Variants in DNAJB6 observed in about 807,000 individuals in gnomAD.
DNAJB6 encodes DnaJ heat shock protein family (Hsp40) member B6.
Under a neutral mutation model 42.7 loss-of-function variants are expected in DNAJB6, and 16 were observed. That is an observed-to-expected ratio of 0.37 (90% CI 0.25 to 0.57). The LOEUF (loss-of-function observed/expected upper bound fraction) is 0.57, where lower values mean the gene tolerates loss of function less well. Among genes scored for constraint, DNAJB6 ranks in the 20% least tolerant of loss-of-function variants. The probability of loss-of-function intolerance (pLI) is 0.74; values close to 1 mark genes in which losing one functional copy is unlikely to be tolerated. For synonymous variants in DNAJB6, 170 were observed against 163.5 expected, an observed-to-expected ratio of 1.04 and a Z score of -0.30; for missense variants, 347 against 416.8, an observed-to-expected ratio of 0.83 and a Z score of 1.46.
intron 8 of DNAJB6, among the ~76,000 whole-genome samples, chr7:157,389,944 C>T (rs184378000): frequency 5.5e-4 from 84 of 152,314 alleles, no homozygotes; most frequent in African/African-American, 2.0e-3. Context: ...TCAGGGCAGA[C>T]CCCTGACTGC....
intron 8 of DNAJB6, among the ~76,000 whole-genome samples, chr7:157,394,550 T>C (rs1801495680): frequency 6.6e-6 from 1 of 152,056 alleles, no homozygotes. Flanking sequence ...GTTGAAAATA[T>C]GAATCCATCT....
chr7:157,337,616 G>A (rs948859411), intron 1 of DNAJB6: 1 of 152,224 alleles, frequency 6.6e-6, no homozygotes, highest in East Asian at 1.9e-4. Flanking sequence ...AAGTTCGGAG[G>A]GAGAAGAAGC....
intron 1 of DNAJB6, among the ~76,000 whole-genome samples, chr7:157,353,985 C>A (rs1046945129): frequency 6.6e-6 from 1 of 151,812 alleles, no homozygotes; most frequent in African/African-American, 2.4e-5. Flanking sequence ...TTTTGGATAG[C>A]TTTTTAAATT....
chr7:157,403,748 T>C (rs1188023175), intron 8 of DNAJB6, among the ~76,000 whole-genome samples: 1 of 152,246 alleles, frequency 6.6e-6, no homozygotes, highest in Non-Finnish European at 1.5e-5. Context: ...CATTGTCGTT[T>C]CACAATACCT....
intron 1 of DNAJB6, among the ~76,000 whole-genome samples, chr7:157,351,834 A>C (rs114554879): frequency 0.011 from 1,728 of 151,108 alleles, 33 homozygotes; most frequent in East Asian, 0.06. Flanking sequence ...AACAAAAAAA[A>C]CCACAAAAAA....
intron 8 of DNAJB6, among the ~76,000 whole-genome samples, chr7:157,400,829 A>G (rs898602427): frequency 6.6e-6 from 1 of 152,196 alleles, no homozygotes. Flanking sequence ...TGAATCCTGC[A>G]GAGGGGCCTG....
At position 157,410,083 on chromosome 7, in the gene DNAJB6, G is replaced by A. The variant is rs1225014464; in HGVS notation, c.898+82G>A. 2.7e-6 allele frequency: 4 copies of A among 1,460,518 alleles called. No individual in the cohort carries two copies. In the African/African-American group the frequency reaches 4.2e-5, roughly 15 times the overall value. 90.5% of individuals were successfully genotyped at this position (1,460,518 alleles called of 1,614,324 possible). A position where few individuals can be genotyped will look rare whatever the true frequency, so the allele number is the denominator to read the frequency against. ...AGAGGACAGCGAGGACACAAACCGC[G>A]CCTGGGCTGCTGTGTTCTGACCTGA... is the stretch of plus-strand genomic sequence containing the variant. On this transcript the variant is annotated intron_variant, in intron 9 of 9. Coordinates refer to ENST00000262177, the MANE Select transcript of DNAJB6 (RefSeq NM_058246.4).
At chr7:157,382,140 G>C in intron 5 of DNAJB6, 106 bp from the exon 6 acceptor site, 1 of 1,283,354 alleles carries the variant, frequency 7.8e-7, no homozygotes, top group African/African-American at 1.5e-5. Flanking sequence ...TAAGTTTTTT[G>C]TTCCTGAATA....
At chr7:157,340,998 G>GTGTGTGCGCGCGCGCGCGCGCGCGCT (rs67210462) in intron 1 of DNAJB6, among the ~76,000 whole-genome samples, 2 of 134,960 alleles carry the variant, frequency 1.5e-5, no homozygotes, top group Admixed American at 7.1e-5. Flanking sequence ...GTGTGTGTGT[G>GTGTGTGCGCGCGCGCGCGCGCGCGCT]CGCGCGCGCA....
chr7:157,378,891 T>C (rs1418750200), intron 5 of DNAJB6: 1 of 152,224 alleles, frequency 6.6e-6, no homozygotes, highest in African/African-American at 2.4e-5. Flanking sequence ...CTTTAAATAT[T>C]ATAAATTTTG....
At chr7:157,353,803 C>T (rs1057053537) in intron 1 of DNAJB6, among the ~76,000 whole-genome samples, 6 of 151,858 alleles carry the variant, frequency 4.0e-5, no homozygotes, top group African/African-American at 1.5e-4. Context: ...GCTGGGATGA[C>T]AGACACATGC....
chr7:157,341,735 A>G (rs1281685919), intron 1 of DNAJB6, among the ~76,000 whole-genome samples: 1 of 152,182 alleles, frequency 6.6e-6, no homozygotes, highest in Non-Finnish European at 1.5e-5. Context: ...AGTGCTTAGA[A>G]AGTATTGATT....
Position 157,382,295 on chromosome 7 carries a change from C to G in DNAJB6, c.396C>G (p.Ser132Arg). ...GGAATCGAAGGGGTCCCCGAGGAAG[C>G]AGAAGCCGAGGGACGGGGTCGTTTT... ...FFGNRRGPRG[S>R]RSRGTGSFFS... Residue 132 changes from serine (S) to arginine (R), a missense_variant, in exon 6 of 10, where the codon AGC becomes AGG. By Grantham distance (110) the Ser-to-Arg change is moderately radical. Transcript: ENST00000262177. 1 of 1,611,810 alleles carries G rather than the reference C, an allele frequency of 6.2e-7. No homozygotes were observed.
rs1488382626 is a variant in DNAJB6, at chr7:157,416,838, G to A, written c.*740G>A. The stretch of plus-strand genomic sequence containing the variant: ...GGGTTAGGGCCATGCTGGGGAAAAC[G>A]GGCCGGTATTTACACACGCGCAAAA... On this transcript the variant is annotated 3_prime_UTR_variant, in exon 10 of 10. Coordinates refer to ENST00000262177, the MANE Select transcript of DNAJB6 (RefSeq NM_058246.4). 7 of 152,120 alleles carry A rather than the reference G, an allele frequency of 4.6e-5. No individual in the cohort carries two copies. The highest frequency in any genetic ancestry group is 1.0e-4 in the Non-Finnish European group (7 of 68,026). The allele number at this position is 152,120 out of a possible 1,614,324, so 9.4% of individuals were successfully genotyped here. A position where few individuals can be genotyped will look rare whatever the true frequency, so the allele number is the denominator to read the frequency against.
chr7:157,371,332 T>C (rs571352259), intron 5 of DNAJB6, among the ~76,000 whole-genome samples: 1 of 152,370 alleles, frequency 6.6e-6, no homozygotes, highest in South Asian at 2.1e-4. Flanking sequence ...AGCTGCACTT[T>C]ACATTTATCA....
At chr7:157,383,393 A>T (rs1182059331) in intron 6 of DNAJB6, among the ~76,000 whole-genome samples, 1 of 152,144 alleles carries the variant, frequency 6.6e-6, no homozygotes, top group Non-Finnish European at 1.5e-5. Context: ...TTCCTTCTTC[A>T]TCATGGTCAG....
At chr7:157,349,133 C>T (rs1050247590) in intron 1 of DNAJB6, among the ~76,000 whole-genome samples, 4 of 152,048 alleles carry the variant, frequency 2.6e-5, no homozygotes, top group Admixed American at 6.6e-5. Context: ...CTTCCAGCCT[C>T]GGCCTCCCAG....
intron 1 of DNAJB6, among the ~76,000 whole-genome samples, chr7:157,354,254 T>G (rs1397216503): frequency 6.6e-6 from 1 of 151,998 alleles, no homozygotes; most frequent in African/African-American, 2.4e-5. Flanking sequence ...TTCAAGCGAT[T>G]CTCCTGCCTC....
chr7:157,358,124 T>C (rs1388770436), intron 1 of DNAJB6, among the ~76,000 whole-genome samples: 1 of 152,166 alleles, frequency 6.6e-6, no homozygotes, highest in Non-Finnish European at 1.5e-5. Context: ...ACAACGTGTT[T>C]GTCCTTGGAG....
Sources: allele counts gnomAD v4.1 joint callset (sites outside exome capture counted in the v4.1 genomes callset), GRCh38; gene constraint gnomAD v4.1.1; transcripts MANE v1.5; gene names NCBI Gene and HGNC (gene_info 2026-07-23, HGNC 2026-07-21).